Variants in PLCB1 observed in about 807,000 individuals in gnomAD.
The protein encoded by PLCB1 is phospholipase C beta 1, also known as 1-phosphatidylinositol 4,5-bisphosphate phosphodiesterase beta-1.
Under a neutral mutation model 161.8 loss-of-function variants are expected in PLCB1, and 46 were observed. The observed-to-expected ratio is 0.28, with a 90% CI of 0.22 to 0.36. PLCB1 has a LOEUF of 0.36. PLCB1 is among the 10% of genes least tolerant of loss of function. PLCB1 has a pLI of 1.00. For synonymous variants in PLCB1, 517 were observed against 503.7 expected (o/e 1.03, Z -0.35); for missense variants, 1,016 against 1,472.5 (o/e 0.69, Z 5.07).
Position 8,230,391 on chromosome 20 carries a change from A to AT in PLCB1, c.177+80026dup, listed in dbSNP as rs556378747. On this transcript the variant is annotated intron_variant, in intron 2 of 31. Transcript: ENST00000338037. ...ATAGCCATAACCTTCAACATTTATC[A>AT]TTTTTTGTGTGTGTGTTGGAAACAT... Among the ~76,000 whole-genome samples the AT allele has an allele frequency of 7.8e-3, 1,190 of 152,272 alleles. 15 individuals are homozygous for AT. Among genetic ancestry groups the AT allele is most frequent in the African/African-American group, 0.026 (1,091 of 41,556 alleles).
intron 9 of PLCB1, among the ~76,000 whole-genome samples, chr20:8,668,528 G>A (rs1345496824): frequency 1.3e-5 from 2 of 152,148 alleles, no homozygotes; most frequent in Non-Finnish European, 1.5e-5. Flanking sequence ...TTTCCCAGAA[G>A]CCAACTTTGA....
chr20:8,356,167 G>A (rs1353798645), intron 2 of PLCB1, among the ~76,000 whole-genome samples: 1 of 152,008 alleles, frequency 6.6e-6, no homozygotes, highest in Non-Finnish European at 1.5e-5. Flanking sequence ...AGGATAACAT[G>A]CTTCTTCTGA....
At chr20:8,688,950 C>G (rs1206009364) in intron 10 of PLCB1, among the ~76,000 whole-genome samples, 1 of 152,182 alleles carries the variant, frequency 6.6e-6, no homozygotes, top group Non-Finnish European at 1.5e-5. Flanking sequence ...TGGCCATTCT[C>G]ACAATATTGA....
At chr20:8,260,547 C>T (rs1400464560) in intron 2 of PLCB1, among the ~76,000 whole-genome samples, 3 of 152,078 alleles carry the variant, frequency 2.0e-5, no homozygotes, top group Admixed American at 6.6e-5. Flanking sequence ...CTAACAGGAC[C>T]ACTTGCAGGA....
chr20:8,761,239 A>G (rs533702565), intron 25 of PLCB1, among the ~76,000 whole-genome samples: 3 of 152,208 alleles, frequency 2.0e-5, no homozygotes, highest in Non-Finnish European at 4.4e-5. Context: ...ATATACACCA[A>G]CTTCAAAGAC....
At chr20:8,430,429 T>A (rs1050890543) in intron 3 of PLCB1, among the ~76,000 whole-genome samples, 4 of 149,850 alleles carry the variant, frequency 2.7e-5, no homozygotes, top group Non-Finnish European at 4.5e-5. Context: ...AATAGCAGGC[T>A]AAGCTGATGC....
intron 1 of PLCB1, among the ~76,000 whole-genome samples, chr20:8,137,199 C>T (rs964673616): frequency 1.3e-5 from 2 of 152,180 alleles, no homozygotes; most frequent in African/African-American, 4.8e-5. Flanking sequence ...AAGCTTAGAA[C>T]TTTTGCATTA....
chr20:8,343,509 T>G (rs1985887803), intron 2 of PLCB1, among the ~76,000 whole-genome samples: 1 of 152,220 alleles, frequency 6.6e-6, no homozygotes, highest in Non-Finnish European at 1.5e-5. Flanking sequence ...GACTTCTCTC[T>G]GTCACCTGTA....
intron 27 of PLCB1, among the ~76,000 whole-genome samples, chr20:8,786,169 GA>G (rs1983472650): frequency 6.6e-6 from 1 of 152,142 alleles, no homozygotes; most frequent in Admixed American, 6.5e-5. Flanking sequence ...CAAGTGGTTG[GA>G]AGAGGAGAAA....
At chr20:8,465,199 G>C (rs1981765177) in intron 3 of PLCB1, among the ~76,000 whole-genome samples, 1 of 151,990 alleles carries the variant, frequency 6.6e-6, no homozygotes, top group Non-Finnish European at 1.5e-5. Flanking sequence ...CTGAGACCTG[G>C]GTTCACGTCA....
At position 8,867,120 on chromosome 20, in the gene PLCB1, G is replaced by A. The variant is rs957580425; in HGVS notation, c.3424-14502G>A. ...GGACATTTGATTCAGCCTGTCCCTT[G>A]TTTTGTAAATGCCATGCACAGGCTT... On this transcript the variant is annotated intron_variant, in intron 31 of 31. Coordinates refer to ENST00000338037, the MANE Select transcript of PLCB1 (RefSeq NM_015192.4). Among the ~76,000 whole-genome samples the A allele has an allele frequency of 3.3e-5, 5 of 152,330 alleles. No individual in the cohort carries two copies. The East Asian group carries it at 9.6e-4, about 29-fold the overall frequency.
intron 12 of PLCB1, among the ~76,000 whole-genome samples, chr20:8,713,036 C>A (rs2094382564): frequency 6.6e-6 from 1 of 152,166 alleles, no homozygotes; most frequent in African/African-American, 2.4e-5. Context: ...ATTCAATTTG[C>A]TCTCTGCTCT....
intron 3 of PLCB1, among the ~76,000 whole-genome samples, chr20:8,425,763 A>T (rs1161361915): frequency 6.6e-6 from 1 of 151,896 alleles, no homozygotes; most frequent in Non-Finnish European, 1.5e-5. Flanking sequence ...GTGCAAAACA[A>T]TTTTTTCCAC....
intron 7 of PLCB1, among the ~76,000 whole-genome samples, chr20:8,656,723 TTTTCA>T (rs1462177312): frequency 6.6e-6 from 1 of 151,714 alleles, no homozygotes; most frequent in Non-Finnish European, 1.5e-5. Context: ...GGAATTTATG[TTTTCA>T]TTTTGACTAT....
chr20:8,167,757 A>C (rs1296764746), intron 2 of PLCB1, among the ~76,000 whole-genome samples: 3 of 152,224 alleles, frequency 2.0e-5, no homozygotes, highest in Non-Finnish European at 4.4e-5. Flanking sequence ...ACTTATTTAT[A>C]GAACAAAGAC....
At chr20:8,612,634 A>T (rs1230069391) in intron 3 of PLCB1, among the ~76,000 whole-genome samples, 3 of 152,168 alleles carry the variant, frequency 2.0e-5, no homozygotes, top group African/African-American at 7.2e-5. Flanking sequence ...TTTCTGCCCC[A>T]GTTACTGATT....
At chr20:8,453,763 C>A (rs1448083458) in intron 3 of PLCB1, among the ~76,000 whole-genome samples, 1 of 152,070 alleles carries the variant, frequency 6.6e-6, no homozygotes, top group Non-Finnish European at 1.5e-5. Flanking sequence ...ATGTAGAAAT[C>A]TGGAAGAAGA....
In PLCB1 at chr20:8,590,451, GT is replaced by G. The variant is rs955901639; in HGVS notation, c.247-37834del. Among the ~76,000 whole-genome samples the G allele has an allele frequency of 2.9e-3, 439 of 151,438 alleles. 2 individuals carry two copies. Among genetic ancestry groups the G allele is most frequent in the African/African-American group, 0.01 (427 of 41,354 alleles). ...TCACCTTTTTCTTTGCTCTTTGGTA[GT>G]TTTTTTTTGTTGTTGTTGTTGCTAT... On this transcript the variant is annotated intron_variant, in intron 3 of 31. Transcript: ENST00000338037.
intron 31 of PLCB1, among the ~76,000 whole-genome samples, chr20:8,850,892 G>A (rs1986863406): frequency 6.6e-6 from 1 of 152,178 alleles, no homozygotes; most frequent in South Asian, 2.1e-4. Flanking sequence ...TATTTCAGAA[G>A]CCTGTCTCTG....
Sources: gnomAD v4.1 joint callset for allele counts (sites outside exome capture counted in the v4.1 genomes callset) on GRCh38, gnomAD v4.1.1 for gene constraint, MANE v1.5 for transcripts, NCBI Gene and HGNC (gene_info 2026-07-23, HGNC 2026-07-21) for gene names.